ZYG11A: variants seen among roughly 807,000 people sequenced by gnomAD.
The protein encoded by ZYG11A is zyg-11 family member A, cell cycle regulator, also known as protein zyg-11 homolog A.
ZYG11A carries 62 observed loss-of-function variants against 77.2 expected under a neutral mutation model. That is an observed-to-expected ratio of 0.80 (90% CI 0.65 to 0.99). The LOEUF (loss-of-function observed/expected upper bound fraction) is 0.99. Among genes scored for constraint, ZYG11A ranks in the 50% least tolerant of loss-of-function variants. The pLI is 0.00. For missense variants in ZYG11A, 828 were observed against 896.8 expected (o/e 0.92, Z 0.98); for synonymous variants, 315 against 324.6 (o/e 0.97, Z 0.32).
rs570916861 is a variant in ZYG11A, at chr1:52,877,932, C to A, written c.1712C>A (p.Ser571Ter). The A allele has an allele frequency of 5.2e-6, 8 of 1,551,554 alleles. No individual in the cohort carries two copies. The East Asian group carries it at 2.0e-4, about 38-fold the overall frequency. Residue 571 changes from serine (S) to a stop codon, truncating the protein, a stop_gained, in exon 10 of 14, where the codon TCA becomes TAA. Transcript: ENST00000371528. LOFTEE classifies it high-confidence loss of function. ...TATATATTTTTTTGACAGACCTTTTCAGAGTCAGCAATACAAAGCAAAGTA... is the reference window on the plus strand; with the variant it reads ...TATATATTTTTTTGACAGACCTTTTAAGAGTCAGCAATACAAAGCAAAGTA... ...QIFIQVLETF[S>*]ESAIQSKVLG... is the part of the protein sequence containing the mutation.
intron 4 of ZYG11A, among the ~76,000 whole-genome samples, chr1:52,861,457 C>T (rs1645924888): frequency 6.6e-6 from 1 of 152,116 alleles, no homozygotes; most frequent in Non-Finnish European, 1.5e-5. Context: ...TTTCCCAGCA[C>T]TTTGGGAGGC....
intron 12 of ZYG11A, among the ~76,000 whole-genome samples, chr1:52,886,208 A>G (rs769787323): frequency 2.6e-5 from 4 of 152,148 alleles, no homozygotes; most frequent in Admixed American, 1.3e-4. Context: ...CTGGGATTAC[A>G]GGCGTGAGCC....
At chr1:52,862,851 T>C (rs75675096) in intron 4 of ZYG11A, among the ~76,000 whole-genome samples, 305 of 152,258 alleles carry the variant, frequency 2.0e-3, no homozygotes, top group African/African-American at 7.0e-3. Flanking sequence ...TGATATGATC[T>C]CAGCCAACTG....
At chr1:52,856,910 A>G (rs1004235563) in intron 2 of ZYG11A, 88 bp from the exon 3 acceptor site, 9 of 1,328,648 alleles carry the variant, frequency 6.8e-6, no homozygotes, top group Non-Finnish European at 9.1e-6. Context: ...TGTTATTATT[A>G]ACATCTGTCT....
rs1219561990 is a variant in ZYG11A at position 52,857,271 on chromosome 1, T to G, written c.530T>G (p.Phe177Cys). 4 of 1,552,178 alleles carry G rather than the reference T, an allele frequency of 2.6e-6. No individual in the cohort carries two copies. The South Asian group carries it at 4.8e-5, about 18-fold the overall frequency. The change falls in exon 3 of 14, where the codon TTT (phenylalanine) becomes TGT (cysteine). Residue 177 changes from phenylalanine (F) to cysteine (C), a missense_variant. By Grantham distance (205) the Phe-to-Cys change is radical. Coordinates refer to ENST00000371528, the MANE Select transcript of ZYG11A (RefSeq NM_001004339.3). ...CCTCAAAATTCAAGATTACTGTTCT[T>G]TAGTCAGCTCACTGGTCTTCGCATT... ...SIPQNSRLLF[F>C]SQLTGLRILS... is the part of the protein sequence containing the mutation.
intron 1 of ZYG11A, among the ~76,000 whole-genome samples, chr1:52,847,509 ATT>A (rs34348785): frequency 2.3e-3 from 339 of 145,012 alleles, no homozygotes; most frequent in Non-Finnish European, 2.6e-3. Context: ...CCAGCCTGTC[ATT>A]TTTTTTTTTT....
At chr1:52,859,113 A>G (rs955652086) in intron 3 of ZYG11A, among the ~76,000 whole-genome samples, 1 of 151,844 alleles carries the variant, frequency 6.6e-6, no homozygotes, top group Non-Finnish European at 1.5e-5. Context: ...GTTGTTCAGG[A>G]TGGAGTGCAG....
intron 8 of ZYG11A, among the ~76,000 whole-genome samples, chr1:52,872,091 G>A (rs1002758291): frequency 6.6e-6 from 1 of 152,132 alleles, no homozygotes; most frequent in African/African-American, 2.4e-5. Context: ...TTTTGGATGT[G>A]TTCATTACTG....
Position 52,867,747 on chromosome 1 carries a change from A to G in ZYG11A, c.1512A>G (p.Ala504=). ...TATAGCTCTCACCTGAGCAAACGGCACAGCTTGAAGAGCTTTTCATGGCAG... is the reference window on the plus strand; with the variant it reads ...TATAGCTCTCACCTGAGCAAACGGCGCAGCTTGAAGAGCTTTTCATGGCAG... ...LALQLSPEQT[A]QLEELFMAVK... The change falls in exon 8 of 14, where the codon GCA becomes GCG. Residue 504 remains alanine (A), a synonymous_variant. Coordinates refer to ENST00000371528, the MANE Select transcript of ZYG11A (RefSeq NM_001004339.3). 2 of 1,551,652 alleles carry G rather than the reference A, an allele frequency of 1.3e-6. No individual in the cohort carries two copies. Among genetic ancestry groups the G allele is most frequent in the Non-Finnish European group, 1.7e-6 (2 of 1,147,000 alleles).
At position 52,861,012 on chromosome 1, in the gene ZYG11A, G is replaced by A. The variant is rs956651924; in HGVS notation, c.1149+141G>A. 6.3e-6 allele frequency: 5 copies of A among 795,366 alleles called. No homozygotes were observed. The African/African-American group carries it at 7.0e-5, about 11-fold the overall frequency. The allele number at this position is 795,366 out of a possible 1,614,324, so 49.3% of individuals were successfully genotyped here. ...GCTCTCATAGAGCAAAGAATGTTAA[G>A]CTTAGCTGCCAAAGTGTCTTTTGCT... On this transcript the variant is annotated intron_variant, in intron 4 of 13. Coordinates refer to ENST00000371528, the MANE Select transcript of ZYG11A (RefSeq NM_001004339.3).
chr1:52,849,685 T>A (rs535992345), intron 1 of ZYG11A, among the ~76,000 whole-genome samples: 288 of 97,752 alleles, frequency 2.9e-3, no homozygotes, highest in African/African-American at 9.5e-3. Flanking sequence ...CAATTATACA[T>A]TTCTTTTTTT....
At chr1:52,856,869 G>A (rs1645822459) in intron 2 of ZYG11A, 129 bp from the exon 3 acceptor site, 1 of 974,616 alleles carries the variant, frequency 1.0e-6, no homozygotes, top group African/African-American at 1.7e-5. Context: ...TTAGAACAAT[G>A]CTAGCACAGA....
chr1:52,863,954 A>G, intron 4 of ZYG11A, 27 bp from the exon 5 acceptor site: 3 of 1,537,814 alleles, frequency 2.0e-6, no homozygotes, highest in South Asian at 1.2e-5. Flanking sequence ...CTGGCATCAT[A>G]TGCACTAAAA....
chr1:52,858,370 G>A (rs1174725632), intron 3 of ZYG11A, among the ~76,000 whole-genome samples: 2 of 148,706 alleles, frequency 1.3e-5, no homozygotes, highest in East Asian at 2.2e-4. Flanking sequence ...AAAGCGAAAC[G>A]CAGTCTCAAA....
intron 8 of ZYG11A, among the ~76,000 whole-genome samples, chr1:52,870,062 A>G (rs916574404): frequency 6.7e-6 from 1 of 149,878 alleles, no homozygotes; most frequent in South Asian, 2.1e-4. Flanking sequence ...CTCACCTCCC[A>G]GACGGGGTCG....
At chr1:52,847,685 C>G (rs1169222522) in intron 1 of ZYG11A, among the ~76,000 whole-genome samples, 1 of 100,564 alleles carries the variant, frequency 9.9e-6, no homozygotes, top group African/African-American at 3.7e-5. Flanking sequence ...TTTTTTTTTT[C>G]CTTGGGACGG....
Position 52,849,681 on chromosome 1 carries a change from T to C in ZYG11A, c.91-4784T>C, listed in dbSNP as rs568552666. Among the ~76,000 whole-genome samples the C allele has an allele frequency of 4.5e-3, 553 of 123,550 alleles. 3 individuals carry two copies. The highest frequency in any genetic ancestry group is 0.015 in the African/African-American group (533 of 34,670). 81.1% of individuals were successfully genotyped at this position (123,550 alleles called of 152,430 possible). On this transcript the variant is annotated intron_variant, in intron 1 of 13. Transcript: ENST00000371528. ...CTGTGCTGGCCTAGAGTTTCAATTATACATTTCTTTTTTTTTTTTGAGACG... is the reference window on the plus strand; with the variant it reads ...CTGTGCTGGCCTAGAGTTTCAATTACACATTTCTTTTTTTTTTTTGAGACG...
chr1:52,857,264 CTGTTCTT>C lies in ZYG11A; in HGVS notation c.525_531del (p.Phe176ValfsTer9). On this transcript the variant is annotated frameshift_variant, in exon 3 of 14. Coordinates refer to ENST00000371528, the MANE Select transcript of ZYG11A (RefSeq NM_001004339.3). LOFTEE classifies it high-confidence loss of function. ...AAGCATCCCTCAAAATTCAAGATTA[CTGTTCTT>C]TAGTCAGCTCACTGGTCTTCGCATT... The C allele has an allele frequency of 6.4e-7, 1 of 1,552,168 alleles. No homozygotes were observed. Among genetic ancestry groups the C allele is most frequent in the South Asian group, 1.2e-5 (1 of 84,056 alleles).
At chr1:52,845,658 G>A (rs2149981848) in intron 1 of ZYG11A, among the ~76,000 whole-genome samples, 1 of 146,278 alleles carries the variant, frequency 6.8e-6, no homozygotes. Context: ...TTTTTTTACA[G>A]AGGACAGGAA....
Sources: allele counts gnomAD v4.1 joint callset (sites outside exome capture counted in the v4.1 genomes callset), GRCh38; gene constraint gnomAD v4.1.1; transcripts MANE v1.5; gene names NCBI Gene and HGNC (gene_info 2026-07-23, HGNC 2026-07-21).